Variants in NAALADL2 observed in about 807,000 individuals in gnomAD.
The protein encoded by NAALADL2 is inactive N-acetylated-alpha-linked acidic dipeptidase-like protein 2.
A neutral mutation model predicts 87.2 loss-of-function variants in NAALADL2; 76 were observed. The observed-to-expected ratio is 0.87, with a 90% CI of 0.72 to 1.05. The LOEUF (loss-of-function observed/expected upper bound fraction) is 1.05, where lower values mean the gene tolerates loss of function less well. NAALADL2 is among the 50% of genes least tolerant of loss of function. The probability of loss-of-function intolerance (pLI) is 0.00; values close to 1 mark genes in which losing one functional copy is unlikely to be tolerated. For missense variants in NAALADL2, 1,089 were observed against 945.8 expected, an observed-to-expected ratio of 1.15 and a Z score of -1.99; for synonymous variants, 354 against 331.0, an observed-to-expected ratio of 1.07 and a Z score of -0.75.
intron 1 of NAALADL2, among the ~76,000 whole-genome samples, chr3:174,892,544 A>G (rs184863989): frequency 6.6e-6 from 1 of 152,314 alleles, no homozygotes; most frequent in African/African-American, 2.4e-5. Flanking sequence ...TTAATAGTAT[A>G]TATGGAAAGA....
rs58208557 is a variant in NAALADL2, at chr3:175,667,179, AAG to A, written c.1896+39797_1896+39798del. The stretch of plus-strand genomic sequence containing the variant: ...AGAAAGAAAAAGAAAGAAAGAAAGA[AAG>A]AGAAAGAAAGAAAGAAAGAAAGAAA... On this transcript the variant is annotated intron_variant, in intron 11 of 13. Transcript: ENST00000454872. Among the ~76,000 whole-genome samples, 625 of 105,978 alleles carry A rather than the reference AAG, an allele frequency of 5.9e-3. 5 individuals carry two copies. Among genetic ancestry groups the A allele is most frequent in the African/African-American group, 0.022 (584 of 26,546 alleles). 69.5% of individuals were successfully genotyped at this position (105,978 alleles called of 152,430 possible). A position where few individuals can be genotyped will look rare whatever the true frequency, so the allele number is the denominator to read the frequency against.
At chr3:174,469,734 A>G (rs749825481) in intron 1 of NAALADL2, among the ~76,000 whole-genome samples, 13 of 151,980 alleles carry the variant, frequency 8.6e-5, no homozygotes, top group Non-Finnish European at 1.6e-4. Context: ...CTGGCCCTGA[A>G]TATTTTAAGG....
At chr3:175,129,651 A>G (rs1727500433) in intron 2 of NAALADL2, among the ~76,000 whole-genome samples, 1 of 151,824 alleles carries the variant, frequency 6.6e-6, no homozygotes, top group South Asian at 2.1e-4. Context: ...TTAAGGCTTA[A>G]TAATATTTCA....
intron 9 of NAALADL2, among the ~76,000 whole-genome samples, chr3:175,542,686 C>T (rs908138250): frequency 1.3e-5 from 2 of 152,066 alleles, no homozygotes; most frequent in African/African-American, 4.8e-5. Flanking sequence ...ACTTTGATTG[C>T]AGAGGCAGAA....
At chr3:174,972,794 G>A (rs1259899479) in intron 1 of NAALADL2, among the ~76,000 whole-genome samples, 3 of 152,008 alleles carry the variant, frequency 2.0e-5, no homozygotes, top group East Asian at 1.9e-4. Context: ...TCAGGAGTTC[G>A]AGACCAGACT....
chr3:175,411,101 TTAGAA>T (rs1472450017), intron 5 of NAALADL2, among the ~76,000 whole-genome samples: 1 of 151,922 alleles, frequency 6.6e-6, no homozygotes, highest in East Asian at 1.9e-4. Context: ...GATTATAGTC[TTAGAA>T]TAGAGAGGTA....
chr3:175,344,262 G>A (rs1297826549), intron 5 of NAALADL2, among the ~76,000 whole-genome samples: 1 of 152,044 alleles, frequency 6.6e-6, no homozygotes, highest in Non-Finnish European at 1.5e-5. Flanking sequence ...TTCTACTTTG[G>A]AAGTTGACTT....
chr3:174,890,014 A>C (rs1730672236), intron 1 of NAALADL2, among the ~76,000 whole-genome samples: 1 of 152,156 alleles, frequency 6.6e-6, no homozygotes, highest in Non-Finnish European at 1.5e-5. Context: ...GTAGTACGCT[A>C]CATATGAGTT....
intron 2 of NAALADL2, among the ~76,000 whole-genome samples, chr3:174,632,726 G>C (rs947731046): frequency 6.6e-6 from 1 of 151,956 alleles, no homozygotes; most frequent in Non-Finnish European, 1.5e-5. Context: ...GCGAGGTCAG[G>C]AGATCGAGAC....
intron 10 of NAALADL2, among the ~76,000 whole-genome samples, chr3:175,586,959 G>A (rs1021049655): frequency 6.6e-6 from 1 of 151,626 alleles, no homozygotes; most frequent in South Asian, 2.1e-4. Flanking sequence ...GACTACCACT[G>A]GTTTGAAGAC....
chr3:175,374,553 GAAAAAAAAAAA>G (rs765485400), intron 5 of NAALADL2, among the ~76,000 whole-genome samples: 54 of 45,406 alleles, frequency 1.2e-3, no homozygotes, highest in East Asian at 6.8e-3. Flanking sequence ...TGCATCTCCA[GAAAAAAAAAAA>G]AAAAAAAAAA....
chr3:174,504,966 A>G (rs1719112228), intron 1 of NAALADL2, among the ~76,000 whole-genome samples: 1 of 152,286 alleles, frequency 6.6e-6, no homozygotes, highest in East Asian at 1.9e-4. Flanking sequence ...ATCAGCCTAA[A>G]CCATCTCCAC....
At chr3:174,470,443 T>A (rs1185424527) in intron 1 of NAALADL2, among the ~76,000 whole-genome samples, 1 of 152,206 alleles carries the variant, frequency 6.6e-6, no homozygotes, top group Non-Finnish European at 1.5e-5. Context: ...TCTCCCATTC[T>A]GTAGGTTGTC....
intron 5 of NAALADL2, among the ~76,000 whole-genome samples, chr3:175,438,131 G>A (rs1243526596): frequency 2.0e-5 from 3 of 152,154 alleles, no homozygotes; most frequent in East Asian, 3.9e-4. Context: ...TCAGAAAATT[G>A]TCACTGATCC....
intron 4 of NAALADL2, among the ~76,000 whole-genome samples, chr3:175,292,256 C>T (rs1420783062): frequency 6.6e-6 from 1 of 152,256 alleles, no homozygotes; most frequent in East Asian, 1.9e-4. Context: ...AAGCAAAACC[C>T]AGCAAATAAC....
intron 1 of NAALADL2, among the ~76,000 whole-genome samples, chr3:174,885,004 G>A (rs2109745562): frequency 6.6e-6 from 1 of 152,264 alleles, no homozygotes; most frequent in South Asian, 2.1e-4. Flanking sequence ...GTCAAAGGTG[G>A]AAAGGCTGAT....
intron 6 of NAALADL2, among the ~76,000 whole-genome samples, chr3:175,448,289 G>A (rs1452606629): frequency 6.6e-6 from 1 of 152,222 alleles, no homozygotes; most frequent in Non-Finnish European, 1.5e-5. Context: ...CTCAAAGCAG[G>A]AGTGCAGAAG....
chr3:174,593,338 C>T (rs186023278), intron 2 of NAALADL2, among the ~76,000 whole-genome samples: 15 of 152,174 alleles, frequency 9.9e-5, no homozygotes, highest in East Asian at 7.7e-4. Context: ...TGTCAGACAC[C>T]GTTGCAAGTG....
chr3:175,602,162 A>G lies in NAALADL2; in HGVS notation c.1801-25129A>G, dbSNP rs78703365. ...AAAGTCTTCTTATCTACGTATTGTA[A>G]CTATTGATAGAAGAGTAGATAGGAA... On this transcript the variant is annotated intron_variant, in intron 10 of 13. Coordinates refer to ENST00000454872, the MANE Select transcript of NAALADL2 (RefSeq NM_207015.3). Among the ~76,000 whole-genome samples the G allele has an allele frequency of 5.6e-3, 854 of 152,286 alleles. 5 individuals are homozygous for G. Among genetic ancestry groups the G allele is most frequent in the African/African-American group, 0.019 (794 of 41,566 alleles).
Sources: gnomAD v4.1 joint callset for allele counts (sites outside exome capture counted in the v4.1 genomes callset) on GRCh38, gnomAD v4.1.1 for gene constraint, MANE v1.5 for transcripts, NCBI Gene and HGNC (gene_info 2026-07-23, HGNC 2026-07-21) for gene names.